The following MARCHF5 variants were observed in gnomAD, a reference collection of about 807,000 sequenced individuals.
MARCHF5 encodes membrane associated ring-CH-type finger 5.
A neutral mutation model predicts 36.5 loss-of-function variants in MARCHF5; 5 were observed. The observed-to-expected ratio is 0.14, with a 90% CI of 0.07 to 0.29. The LOEUF (loss-of-function observed/expected upper bound fraction) is 0.29, where lower values mean the gene tolerates loss of function less well. Among genes scored for constraint, MARCHF5 ranks in the 10% least tolerant of loss-of-function variants. The probability of loss-of-function intolerance (pLI) is 1.00; values close to 1 mark genes in which losing one functional copy is unlikely to be tolerated. For missense variants in MARCHF5, 179 were observed against 336.3 expected (o/e 0.53, Z 3.66); for synonymous variants, 103 against 109.9 (o/e 0.94, Z 0.39).
At chr10:92,323,018 G>A (rs1843310704) in intron 2 of MARCHF5, among the ~76,000 whole-genome samples, 2 of 152,078 alleles carry the variant, frequency 1.3e-5, no homozygotes, top group Admixed American at 6.6e-5. Flanking sequence ...TTACAGGCGT[G>A]AGCCACCGGT....
At chr10:92,308,284 T>C (rs990090917) in intron 1 of MARCHF5, among the ~76,000 whole-genome samples, 1 of 152,142 alleles carries the variant, frequency 6.6e-6, no homozygotes, top group Non-Finnish European at 1.5e-5. Context: ...TTCGTGACGT[T>C]GCCGTGGCAT....
intron 1 of MARCHF5, among the ~76,000 whole-genome samples, chr10:92,307,923 A>C (rs991351102): frequency 6.7e-6 from 1 of 149,206 alleles, no homozygotes; most frequent in Admixed American, 6.7e-5. Context: ...AAACAAGGAG[A>C]GGATTATTTA....
At chr10:92,347,530 T>TG (rs1564954985) in intron 3 of MARCHF5, among the ~76,000 whole-genome samples, 21 of 76,876 alleles carry the variant, frequency 2.7e-4, no homozygotes, top group African/African-American at 6.3e-4. Context: ...AGATGATAGA[T>TG]ATATAGATAG....
chr10:92,320,821 G>A (rs1843281302), intron 2 of MARCHF5, among the ~76,000 whole-genome samples: 1 of 151,978 alleles, frequency 6.6e-6, no homozygotes, highest in Admixed American at 6.6e-5. Flanking sequence ...AGTGTAATAA[G>A]TGTACAATGT....
chr10:92,347,556 GATAA>G (rs1843664188), intron 3 of MARCHF5, among the ~76,000 whole-genome samples: 4 of 151,774 alleles, frequency 2.6e-5, no homozygotes, highest in Non-Finnish European at 5.9e-5. Context: ...TAGATAGATA[GATAA>G]AGAAATTTCC....
intron 1 of MARCHF5, 37 bp downstream of exon 1, chr10:92,291,566 C>T (rs1472318990): frequency 1.3e-6 from 2 of 1,517,394 alleles, no homozygotes; most frequent in East Asian, 2.6e-5. Context: ...GAGCCGCCGA[C>T]CCTCGCTCTG....
intron 2 of MARCHF5, among the ~76,000 whole-genome samples, chr10:92,336,539 T>C (rs946606846): frequency 1.3e-5 from 2 of 152,146 alleles, no homozygotes; most frequent in African/African-American, 4.8e-5. Context: ...AATTAGGGTA[T>C]GTTATGTGAT....
Position 92,298,166 on chromosome 10 carries a change from A to C in MARCHF5, c.35+6637A>C, listed in dbSNP as rs1446417723. 4.6e-5 allele frequency among the ~76,000 whole-genome samples: 7 copies of C among 151,914 alleles called. No individual in the cohort carries two copies. In the East Asian group the frequency reaches 1.2e-3, roughly 25 times the overall value. Reference sequence around the variant, plus strand: ...TGAGCTGAGATCGTGCCACTGCACGATCTCTCTCTCTATATATGTATATGT... The same window carrying C: ...TGAGCTGAGATCGTGCCACTGCACGCTCTCTCTCTCTATATATGTATATGT... On this transcript the variant is annotated intron_variant, in intron 1 of 5. Transcript: ENST00000358935.
intron 3 of MARCHF5, among the ~76,000 whole-genome samples, chr10:92,346,913 CA>C (rs1054336917): frequency 5.9e-5 from 9 of 151,804 alleles, no homozygotes; most frequent in African/African-American, 2.2e-4. Flanking sequence ...TTTCTAAACC[CA>C]AAAAAAGGAC....
At chr10:92,316,019 A>T (rs1251062072) in intron 2 of MARCHF5, among the ~76,000 whole-genome samples, 1 of 152,224 alleles carries the variant, frequency 6.6e-6, no homozygotes, top group Non-Finnish European at 1.5e-5. Context: ...CTGTAGACCA[A>T]ATAGATTGCC....
At chr10:92,305,821 T>G (rs1843067707) in intron 1 of MARCHF5, among the ~76,000 whole-genome samples, 1 of 152,142 alleles carries the variant, frequency 6.6e-6, no homozygotes, top group Non-Finnish European at 1.5e-5. Context: ...TCCCATCTAC[T>G]CAGGAGGCGG....
intron 3 of MARCHF5, among the ~76,000 whole-genome samples, chr10:92,343,165 T>TTATGTTGTG (rs1380179574): frequency 6.6e-6 from 1 of 152,220 alleles, no homozygotes; most frequent in Admixed American, 6.5e-5. Flanking sequence ...CAACCCATCC[T>TTATGTTGTG]TATGTTGTGT....
At chr10:92,302,281 G>T (rs1018436125) in intron 1 of MARCHF5, among the ~76,000 whole-genome samples, 1 of 152,038 alleles carries the variant, frequency 6.6e-6, no homozygotes, top group Non-Finnish European at 1.5e-5. Context: ...CATGATTGTG[G>T]TTATATGTCT....
At chr10:92,291,673 T>C (rs1217075380) in intron 1 of MARCHF5, 144 bp downstream of exon 1, 4 of 1,283,278 alleles carry the variant, frequency 3.1e-6, no homozygotes, top group African/African-American at 3.1e-5. Context: ...GGCAAAAAGT[T>C]TGGAGTCTAG....
intron 2 of MARCHF5, among the ~76,000 whole-genome samples, chr10:92,311,641 T>TA (rs933385914): frequency 2.9e-3 from 428 of 149,338 alleles, no homozygotes; most frequent in Non-Finnish European, 4.5e-3. Flanking sequence ...AGCTGACTTT[T>TA]AAAAAAAAAA....
chr10:92,302,156 G>A (rs897449229), intron 1 of MARCHF5, among the ~76,000 whole-genome samples: 1 of 152,188 alleles, frequency 6.6e-6, no homozygotes, highest in Non-Finnish European at 1.5e-5. Context: ...TCCATGTTCA[G>A]TACAGACTCT....
intron 2 of MARCHF5, among the ~76,000 whole-genome samples, chr10:92,319,932 G>C (rs111242574): frequency 1.5e-5 from 2 of 137,468 alleles, no homozygotes; most frequent in South Asian, 2.3e-4. Context: ...GATTACAGGC[G>C]TGAGCCACTG....
At chr10:92,346,081 T>G (rs776138518) in intron 3 of MARCHF5, among the ~76,000 whole-genome samples, 7 of 152,230 alleles carry the variant, frequency 4.6e-5, no homozygotes, top group Non-Finnish European at 7.3e-5. Flanking sequence ...AAAATAATGT[T>G]TTTAAATCTT....
At chr10:92,305,235 G>T (rs902127450) in intron 1 of MARCHF5, among the ~76,000 whole-genome samples, 1 of 151,892 alleles carries the variant, frequency 6.6e-6, no homozygotes, top group East Asian at 1.9e-4. Flanking sequence ...GTGAAACCCC[G>T]TCTCTTCTGA....
Sources: allele counts gnomAD v4.1 joint callset (sites outside exome capture counted in the v4.1 genomes callset), GRCh38; gene constraint gnomAD v4.1.1; transcripts MANE v1.5; gene names NCBI Gene and HGNC (gene_info 2026-07-23, HGNC 2026-07-21).